Variants in CACNA1C observed in about 807,000 individuals in gnomAD.
CACNA1C encodes the protein calcium voltage-gated channel subunit alpha1 C.
A neutral mutation model predicts 229.0 loss-of-function variants in CACNA1C; 30 were observed. The ratio of observed to expected loss-of-function variants is 0.13; its 90% CI spans 0.10 to 0.18. The LOEUF is 0.18. CACNA1C is among the 10% of genes least tolerant of loss of function. The probability of loss-of-function intolerance (pLI) is 1.00; values close to 1 mark genes in which losing one functional copy is unlikely to be tolerated. For missense variants in CACNA1C, 1,658 were observed against 2,845.0 expected (o/e 0.58, Z 9.49); for synonymous variants, 1,114 against 1,132.5 (o/e 0.98, Z 0.33).
chr12:2,070,500 T>C (rs1025532858), intron 1 of CACNA1C, among the ~76,000 whole-genome samples: 1 of 152,236 alleles, frequency 6.6e-6, no homozygotes. Context: ...TCTGAAATTT[T>C]CTTTTATTCC....
chr12:2,049,117 T>C (rs1594356713), upstream of CACNA1C: 1 of 152,274 alleles, frequency 6.6e-6, no homozygotes, highest in African/African-American at 2.4e-5. Flanking sequence ...TCCTTAATAT[T>C]GTTCATGTCT....
intron 3 of CACNA1C, among the ~76,000 whole-genome samples, chr12:2,411,481 C>G (rs777136857): frequency 2.0e-5 from 3 of 152,146 alleles, no homozygotes; most frequent in Admixed American, 6.5e-5. Flanking sequence ...CTTCTGTGGG[C>G]TAAAATGGCA....
At chr12:2,603,151 G>T (rs1339110738) in intron 22 of CACNA1C, among the ~76,000 whole-genome samples, 1 of 152,146 alleles carries the variant, frequency 6.6e-6, no homozygotes, top group Non-Finnish European at 1.5e-5. Context: ...GTCCAGATTT[G>T]AATCCCAGCA....
At chr12:2,355,998 A>C (rs1238800136) in intron 3 of CACNA1C, among the ~76,000 whole-genome samples, 2 of 152,226 alleles carry the variant, frequency 1.3e-5, no homozygotes, top group Non-Finnish European at 2.9e-5. Context: ...AACCCCCAGG[A>C]ACCAGGGTGA....
intron 8 of CACNA1C, among the ~76,000 whole-genome samples, chr12:2,505,273 C>T (rs2154577725): frequency 6.6e-6 from 1 of 152,258 alleles, no homozygotes; most frequent in East Asian, 1.9e-4. Flanking sequence ...TAAGAAAAGA[C>T]TGGTTTAAAA....
At chr12:2,298,692 C>T (rs1462630737) in intron 3 of CACNA1C, among the ~76,000 whole-genome samples, 5 of 152,314 alleles carry the variant, frequency 3.3e-5, no homozygotes, top group Non-Finnish European at 2.9e-5. Context: ...GGAAGGCTTT[C>T]GGACTAACTT....
intron 22 of CACNA1C, chr12:2,603,338 A>T (rs1288943080): frequency 6.6e-6 from 1 of 152,252 alleles, no homozygotes; most frequent in Non-Finnish European, 1.5e-5. Flanking sequence ...CTCTTGGAAT[A>T]AAAGAGTCAT....
intron 1 of CACNA1C, among the ~76,000 whole-genome samples, chr12:2,110,502 G>C (rs929427074): frequency 1.3e-5 from 2 of 152,260 alleles, no homozygotes; most frequent in African/African-American, 4.8e-5. Context: ...AGGAGGCTGA[G>C]CTTTGAATCA....
intron 4 of CACNA1C, among the ~76,000 whole-genome samples, chr12:2,449,441 C>T (rs572213192): frequency 1.3e-5 from 2 of 152,336 alleles, no homozygotes; most frequent in South Asian, 4.1e-4. Flanking sequence ...AGTGTGCACT[C>T]CTCCCAGTGC....
At chr12:2,307,863 G>A (rs975981278) in intron 3 of CACNA1C, among the ~76,000 whole-genome samples, 1 of 152,142 alleles carries the variant, frequency 6.6e-6, no homozygotes, top group African/African-American at 2.4e-5. Flanking sequence ...TGAAAAGTAA[G>A]GTAGAAACAA....
intron 1 of CACNA1C, among the ~76,000 whole-genome samples, chr12:1,990,070 G>C (rs1315874367): frequency 6.6e-6 from 1 of 152,064 alleles, no homozygotes; most frequent in Non-Finnish European, 1.5e-5. Context: ...TCACTGCTTG[G>C]GCCTTGGGTC....
chr12:2,417,817 C>A (rs190399912), intron 3 of CACNA1C, among the ~76,000 whole-genome samples: 1 of 152,142 alleles, frequency 6.6e-6, no homozygotes, highest in Admixed American at 6.5e-5. Flanking sequence ...TGCTCCAATT[C>A]CCCCCTGCAG....
chr12:2,623,777 T>G (rs2084700421), intron 29 of CACNA1C, among the ~76,000 whole-genome samples: 1 of 152,016 alleles, frequency 6.6e-6, no homozygotes. Context: ...GGGGTGCCCC[T>G]CCTCGCAAAA....
intron 3 of CACNA1C, among the ~76,000 whole-genome samples, chr12:2,298,505 G>A (rs996327998): frequency 3.3e-5 from 5 of 152,112 alleles, no homozygotes; most frequent in African/African-American, 1.2e-4. Flanking sequence ...TACCATGTTG[G>A]CCAAGATGGT....
rs1225742070 is a variant in CACNA1C at position 2,633,817 on chromosome 12, T to C, written c.3829-480T>C. 1.4e-6 allele frequency: 1 copy of C among 725,450 alleles called. No individual in the cohort carries two copies. The highest frequency in any genetic ancestry group is 2.4e-6 in the Non-Finnish European group (1 of 418,822). The allele number at this position is 725,450 out of a possible 1,614,324, so 44.9% of individuals were successfully genotyped here. A position where few individuals can be genotyped will look rare whatever the true frequency, so the allele number is the denominator to read the frequency against. On this transcript the variant is annotated intron_variant, in intron 29 of 46. Transcript: ENST00000399655. This position sits in a 1 kb window ranked among gnomAD's most constrained non-coding sequence, Gnocchi z 5.8. ...CTCTGTTTACCTTCTTTTATGTTTT[T>C]TTTAATTTCCTGTTTTTACCCGCCT...
At chr12:2,163,569 G>T (rs1444932769) in intron 3 of CACNA1C, among the ~76,000 whole-genome samples, 1 of 152,168 alleles carries the variant, frequency 6.6e-6, no homozygotes, top group Non-Finnish European at 1.5e-5. Context: ...TCTAGTGGGG[G>T]TAAGGAAAAT....
At chr12:2,250,748 C>G (rs2075305352) in intron 3 of CACNA1C, among the ~76,000 whole-genome samples, 2 of 152,238 alleles carry the variant, frequency 1.3e-5, no homozygotes, top group Non-Finnish European at 2.9e-5. Context: ...ATGACCCTCA[C>G]TGTCCAATAA....
At chr12:2,499,702 C>T (rs778359541) in intron 7 of CACNA1C, among the ~76,000 whole-genome samples, 1 of 152,170 alleles carries the variant, frequency 6.6e-6, no homozygotes, top group Non-Finnish European at 1.5e-5. Flanking sequence ...AATGAGCTGA[C>T]TTTCCTTAGG....
chr12:2,345,606 G>A (rs1233084508), intron 3 of CACNA1C, among the ~76,000 whole-genome samples: 1 of 152,216 alleles, frequency 6.6e-6, no homozygotes, highest in Non-Finnish European at 1.5e-5. Flanking sequence ...TAGCTAGAAA[G>A]TGGCACGGCT....
Sources: gnomAD v4.1 joint callset for allele counts (sites outside exome capture counted in the v4.1 genomes callset) on GRCh38, gnomAD v4.1.1 for gene constraint, Gnocchi (gnomAD v3.1) non-coding constraint, MANE v1.5 for transcripts, NCBI Gene and HGNC (gene_info 2026-07-23, HGNC 2026-07-21) for gene names.